The following ATP8A2 variants were observed in gnomAD, a reference collection of about 807,000 sequenced individuals.
The protein encoded by ATP8A2 is ATPase phospholipid transporting 8A2.
Under a neutral mutation model 165.6 loss-of-function variants are expected in ATP8A2, and 100 were observed. The ratio of observed to expected loss-of-function variants is 0.60; its 90% confidence interval spans 0.51 to 0.71. The LOEUF (loss-of-function observed/expected upper bound fraction) is 0.71, where lower values mean the gene tolerates loss of function less well. Among genes scored for constraint, ATP8A2 ranks in the 30% least tolerant of loss-of-function variants. ATP8A2 has a pLI of 0.00. For missense variants in ATP8A2, 1,227 were observed against 1,479.5 expected (o/e 0.83, Z 2.80); for synonymous variants, 543 against 548.8 (o/e 0.99, Z 0.15).
At chr13:25,696,504 C>T (rs1440061261) in intron 24 of ATP8A2, among the ~76,000 whole-genome samples, 1 of 152,236 alleles carries the variant, frequency 6.6e-6, no homozygotes, top group Non-Finnish European at 1.5e-5. Context: ...ATTATCTTAG[C>T]TAGACCTTCT....
At chr13:25,469,155 G>A (rs759915512) in intron 2 of ATP8A2, 34 bp downstream of exon 2, 1 of 1,609,460 alleles carries the variant, frequency 6.2e-7, no homozygotes, top group Non-Finnish European at 8.5e-7. Context: ...GCGGAAGGCG[G>A]TGGAGTCACA....
chr13:25,698,922 G>A (rs887326674), intron 24 of ATP8A2, among the ~76,000 whole-genome samples: 1 of 152,114 alleles, frequency 6.6e-6, no homozygotes, highest in African/African-American at 2.4e-5. Context: ...AGAATAATGT[G>A]TATGTAGTGT....
At chr13:25,539,834 A>C (rs1393431904) in intron 7 of ATP8A2, among the ~76,000 whole-genome samples, 1 of 152,154 alleles carries the variant, frequency 6.6e-6, no homozygotes, top group Admixed American at 6.5e-5. Flanking sequence ...TGGACTCGAG[A>C]TGTAAAAATG....
At position 25,705,984 on chromosome 13, in the gene ATP8A2, G is replaced by A. The variant is rs144479193; in HGVS notation, c.2384+6639G>A. Among the ~76,000 whole-genome samples the A allele has an allele frequency of 4.0e-3, 607 of 152,332 alleles. 4 individuals are homozygous for A. The highest frequency in any genetic ancestry group is 0.014 in the African/African-American group (576 of 41,562). ...AACAATGTTTTTTACATGAATAGTT[G>A]CAAAGACACTTGATGATGTCCATAA... On this transcript the variant is annotated intron_variant, in intron 25 of 36. Coordinates refer to ENST00000381655, the MANE Select transcript of ATP8A2 (RefSeq NM_016529.6).
chr13:25,914,088 A>C (rs901607988), intron 33 of ATP8A2, among the ~76,000 whole-genome samples: 1 of 152,136 alleles, frequency 6.6e-6, no homozygotes, highest in African/African-American at 2.4e-5. Context: ...CTGCTTCCTG[A>C]AACTCTTCTT....
At position 25,372,772 on chromosome 13, in the gene ATP8A2, C is replaced by G. The variant is rs1050189458; in HGVS notation, c.76+484C>G. The stretch of plus-strand genomic sequence containing the variant: ...TCCGAAGGGTCCCTCGAGTGATTCT[C>G]ACCACTTGGAGCCCCGGGTCCTCGC... On this transcript the variant is annotated intron_variant, in intron 1 of 36. Coordinates refer to ENST00000381655, the MANE Select transcript of ATP8A2 (RefSeq NM_016529.6). This position sits in a 1 kb window ranked among gnomAD's most constrained non-coding sequence, Gnocchi z 4.8. Among the ~76,000 whole-genome samples the G allele has an allele frequency of 2.0e-5, 3 of 152,228 alleles. No homozygotes were observed. Among genetic ancestry groups the G allele is most frequent in the African/African-American group, 7.2e-5 (3 of 41,458 alleles).
intron 1 of ATP8A2, among the ~76,000 whole-genome samples, chr13:25,382,916 C>A (rs1283746675): frequency 6.6e-6 from 1 of 151,484 alleles, no homozygotes; most frequent in East Asian, 1.9e-4. Context: ...CCACCATGCC[C>A]AGCTAATTTT....
At chr13:25,578,743 A>G in intron 20 of ATP8A2, 72 bp from the exon 21 acceptor site, 1 of 884,594 alleles carries the variant, frequency 1.1e-6, no homozygotes, top group South Asian at 1.3e-5. Context: ...ACAGAAACAA[A>G]GCCATGCTTA....
intron 1 of ATP8A2, among the ~76,000 whole-genome samples, chr13:25,425,582 C>CTTTTTTT: frequency 1.2e-5 from 1 of 83,140 alleles, no homozygotes; most frequent in Non-Finnish European, 3.0e-5. Flanking sequence ...TTCTTTCTTT[C>CTTTTTTT]CTTTTTTTTT....
chr13:25,503,653 G>A (rs775929868), intron 2 of ATP8A2, among the ~76,000 whole-genome samples: 1 of 152,200 alleles, frequency 6.6e-6, no homozygotes, highest in Non-Finnish European at 1.5e-5. Context: ...ATTTTCTCTT[G>A]TGGATCTTTC....
intron 33 of ATP8A2, among the ~76,000 whole-genome samples, chr13:25,906,486 G>A (rs990830967): frequency 3.3e-5 from 5 of 152,042 alleles, no homozygotes; most frequent in African/African-American, 4.8e-5. Context: ...CCAGCACCCC[G>A]AGGCCTGAGC....
At chr13:25,657,949 A>G (rs551005917) in intron 24 of ATP8A2, among the ~76,000 whole-genome samples, 1 of 152,214 alleles carries the variant, frequency 6.6e-6, no homozygotes, top group Non-Finnish European at 1.5e-5. Context: ...GATGGAGGTA[A>G]CGTTACTTTT....
chr13:25,513,253 G>C (rs148113249), intron 2 of ATP8A2, among the ~76,000 whole-genome samples: 43,891 of 151,294 alleles, frequency 0.29, 7,682 homozygotes, highest in Middle Eastern at 0.44. Flanking sequence ...GGGCGGCTGG[G>C]CAGAGACGCT....
At chr13:25,852,036 C>T (rs960904243) in intron 30 of ATP8A2, among the ~76,000 whole-genome samples, 49 of 152,140 alleles carry the variant, frequency 3.2e-4, no homozygotes, top group African/African-American at 1.2e-3. Context: ...CTCCTGATTG[C>T]GTAGAGGACT....
Position 25,894,083 on chromosome 13 carries a change from G to C in ATP8A2, c.3183+31675G>C, listed in dbSNP as rs527772457. ...TTGGCTTTTGTTACCATTGCTTTTGGTGTTTTAGACATGAAGTCCTTGCCC... is the reference window on the plus strand; with the variant it reads ...TTGGCTTTTGTTACCATTGCTTTTGCTGTTTTAGACATGAAGTCCTTGCCC... On this transcript the variant is annotated intron_variant, in intron 33 of 36. Coordinates refer to ENST00000381655, the MANE Select transcript of ATP8A2 (RefSeq NM_016529.6). Among the ~76,000 whole-genome samples the C allele has an allele frequency of 4.4e-4, 67 of 152,288 alleles. 1 individual carries two copies. The highest frequency in any genetic ancestry group is 3.4e-3 in the Middle Eastern group (1 of 294).
intron 10 of ATP8A2, among the ~76,000 whole-genome samples, chr13:25,548,708 C>T (rs779647882): frequency 2.6e-5 from 4 of 151,528 alleles, no homozygotes; most frequent in Admixed American, 6.6e-5. Flanking sequence ...TTTTTAAGTC[C>T]GTAAAGGATG....
At chr13:25,464,907 T>C (rs1431930833) in intron 1 of ATP8A2, among the ~76,000 whole-genome samples, 1 of 152,276 alleles carries the variant, frequency 6.6e-6, no homozygotes, top group African/African-American at 2.4e-5. Context: ...ACAAAGTCTC[T>C]GCCCTCACGG....
chr13:25,387,638 T>C (rs1593239524), intron 1 of ATP8A2, among the ~76,000 whole-genome samples: 1 of 152,196 alleles, frequency 6.6e-6, no homozygotes, highest in East Asian at 1.9e-4. Context: ...TGGAACATTA[T>C]TTAGAGCTGT....
intron 33 of ATP8A2, among the ~76,000 whole-genome samples, chr13:25,914,047 T>C (rs1349377344): frequency 6.6e-6 from 1 of 152,230 alleles, no homozygotes; most frequent in African/African-American, 2.4e-5. Flanking sequence ...TCTCACTTGA[T>C]GTTTGTGCCA....
Sources: allele counts gnomAD v4.1 joint callset (sites outside exome capture counted in the v4.1 genomes callset), GRCh38; gene constraint gnomAD v4.1.1; non-coding constraint Gnocchi (gnomAD v3.1); transcripts MANE v1.5; gene names NCBI Gene and HGNC (gene_info 2026-07-23, HGNC 2026-07-21).